KAT6B: variants seen among roughly 807,000 people sequenced by gnomAD.
KAT6B encodes the protein lysine acetyltransferase 6B.
A neutral mutation model predicts 187.5 loss-of-function variants in KAT6B; 10 were observed. The observed-to-expected ratio is 0.05, with a 90% CI of 0.03 to 0.09. KAT6B has a LOEUF of 0.09. KAT6B is among the 10% of genes least tolerant of loss of function. The probability of loss-of-function intolerance (pLI) is 1.00; values close to 1 mark genes in which losing one functional copy is unlikely to be tolerated. For missense variants in KAT6B, 1,952 were observed against 2,558.9 expected (o/e 0.76, Z 5.12); for synonymous variants, 861 against 926.8 (o/e 0.93, Z 1.29).
At chr10:74,835,924 A>G (rs937682752) in intron 1 of KAT6B, among the ~76,000 whole-genome samples, 1 of 152,210 alleles carries the variant, frequency 6.6e-6, no homozygotes, top group Non-Finnish European at 1.5e-5. Context: ...GCCACTATCA[A>G]GTTCCAAAAC....
chr10:74,858,016 C>CT (rs1222084126), intron 3 of KAT6B, among the ~76,000 whole-genome samples: 2 of 151,394 alleles, frequency 1.3e-5, no homozygotes, highest in Non-Finnish European at 2.9e-5. Context: ...GAGCAGGACT[C>CT]TATTTCTTAA....
At chr10:74,934,692 A>G (rs1357417767) in intron 3 of KAT6B, among the ~76,000 whole-genome samples, 2 of 152,126 alleles carry the variant, frequency 1.3e-5, no homozygotes, top group Non-Finnish European at 2.9e-5. Flanking sequence ...CCTTTTCTCA[A>G]GAGCTATCGT....
intron 11 of KAT6B, chr10:74,982,145 C>G: frequency 3.8e-6 from 2 of 521,536 alleles, no homozygotes; most frequent in South Asian, 4.1e-5. Context: ...ATCACATTAA[C>G]ATTTTTGTCT....
intron 17 of KAT6B, 131 bp downstream of exon 17, chr10:75,025,380 C>T: frequency 1.2e-6 from 1 of 845,098 alleles, no homozygotes; most frequent in Non-Finnish European, 1.9e-6. Context: ...AGCAAGTGCC[C>T]ATCTGCCCTT....
chr10:75,013,991 C>G (rs987799847), intron 13 of KAT6B, among the ~76,000 whole-genome samples: 5 of 152,222 alleles, frequency 3.3e-5, no homozygotes, highest in African/African-American at 1.2e-4. Flanking sequence ...CTTTAAAAAA[C>G]TCATCTTTGT....
intron 12 of KAT6B, among the ~76,000 whole-genome samples, chr10:74,986,386 T>G (rs1160834323): frequency 3.3e-5 from 5 of 152,220 alleles, no homozygotes; most frequent in African/African-American, 1.2e-4. Context: ...TATGATATTT[T>G]TTTATATTAG....
At chr10:75,021,059 C>A in intron 14 of KAT6B, 67 bp from the exon 15 acceptor site, 1 of 1,454,810 alleles carries the variant, frequency 6.9e-7, no homozygotes, top group Non-Finnish European at 9.7e-7. Context: ...TAGCATATGT[C>A]CGTATGTGAA....
intron 3 of KAT6B, among the ~76,000 whole-genome samples, chr10:74,899,270 A>G (rs1846212063): frequency 6.8e-6 from 1 of 147,554 alleles, no homozygotes; most frequent in African/African-American, 2.5e-5. Flanking sequence ...TATTATTATT[A>G]TTATTATTAT....
intron 3 of KAT6B, among the ~76,000 whole-genome samples, chr10:74,874,536 AC>A (rs1479022585): frequency 6.6e-6 from 1 of 151,770 alleles, no homozygotes; most frequent in Non-Finnish European, 1.5e-5. Flanking sequence ...GCGCCACCAC[AC>A]CCAGCTAATT....
intron 12 of KAT6B, among the ~76,000 whole-genome samples, chr10:74,987,067 C>CCTA (rs1325301722): frequency 6.6e-6 from 1 of 152,166 alleles, no homozygotes; most frequent in African/African-American, 2.4e-5. Context: ...GCTGTTATTT[C>CCTA]CTACTATTCT....
At chr10:75,028,457 T>G (rs936629799) in intron 17 of KAT6B, 32 bp from the exon 18 acceptor site, 1 of 1,613,966 alleles carries the variant, frequency 6.2e-7, no homozygotes, top group Non-Finnish European at 8.5e-7. Context: ...AAGACTGTTT[T>G]TTTTCCTTCC....
intron 2 of KAT6B, among the ~76,000 whole-genome samples, chr10:74,839,689 A>G (rs1841587773): frequency 6.6e-6 from 1 of 152,228 alleles, no homozygotes. Flanking sequence ...TGAATAAATG[A>G]TGAAAGATTA....
At chr10:74,968,149 C>A (rs1413167507) in intron 4 of KAT6B, among the ~76,000 whole-genome samples, 1 of 152,166 alleles carries the variant, frequency 6.6e-6, no homozygotes, top group African/African-American at 2.4e-5. Context: ...CTTCAGTGTG[C>A]TTCTTAGAAG....
intron 10 of KAT6B, among the ~76,000 whole-genome samples, chr10:74,979,769 G>GCA (rs1842392949): frequency 2.6e-5 from 4 of 152,032 alleles, no homozygotes; most frequent in Non-Finnish European, 5.9e-5. Flanking sequence ...GTTTTTAATA[G>GCA]AAATTTAGCA....
intron 3 of KAT6B, among the ~76,000 whole-genome samples, chr10:74,879,966 G>C (rs530808436): frequency 6.6e-6 from 1 of 152,054 alleles, no homozygotes; most frequent in African/African-American, 2.4e-5. Flanking sequence ...ATGGTGACAG[G>C]CACCTATAGC....
intron 4 of KAT6B, among the ~76,000 whole-genome samples, chr10:74,966,337 C>T (rs985032550): frequency 2.0e-5 from 3 of 152,190 alleles, no homozygotes; most frequent in Non-Finnish European, 4.4e-5. Flanking sequence ...ATCTCTAGGT[C>T]GGTACCCCTA....
intron 3 of KAT6B, among the ~76,000 whole-genome samples, chr10:74,858,976 A>T (rs762188069): frequency 3.6e-4 from 55 of 152,256 alleles, no homozygotes; most frequent in Middle Eastern, 3.4e-3. Context: ...ATCTCAAGTG[A>T]TCTACCCACC....
intron 3 of KAT6B, among the ~76,000 whole-genome samples, chr10:74,868,771 C>T (rs145317555): frequency 6.6e-6 from 1 of 152,264 alleles, no homozygotes. Flanking sequence ...TATATATGCT[C>T]TTTCATTTTG....
At chr10:74,959,924 T>G in intron 3 of KAT6B, 46 bp from the exon 4 acceptor site, 1 of 1,286,114 alleles carries the variant, frequency 7.8e-7, no homozygotes, top group Admixed American at 1.7e-5. Context: ...GTTTTTACTT[T>G]TGAAATGGAA....
Sources: allele counts gnomAD v4.1 joint callset (sites outside exome capture counted in the v4.1 genomes callset), GRCh38; gene constraint gnomAD v4.1.1; transcripts MANE v1.5; gene names NCBI Gene and HGNC (gene_info 2026-07-23, HGNC 2026-07-21).